SLC25A33: variants seen among roughly 807,000 people sequenced by gnomAD.
SLC25A33 encodes bone marrow stromal cell mitochondrial carrier protein.
Under a neutral mutation model 35.5 loss-of-function variants are expected in SLC25A33, and 15 were observed. The observed-to-expected ratio is 0.42, with a 90% CI of 0.28 to 0.65. The LOEUF is 0.65. Ranked by LOEUF, SLC25A33 falls within the 30% of genes least tolerant of loss-of-function variation. The pLI is 0.20. For synonymous variants in SLC25A33, 136 were observed against 148.7 expected (o/e 0.91, Z 0.62); for missense variants, 257 against 398.5 (o/e 0.64, Z 3.02).
intron 1 of SLC25A33, among the ~76,000 whole-genome samples, chr1:9,549,637 T>C (rs1004025242): frequency 3.3e-5 from 5 of 151,230 alleles, no homozygotes; most frequent in Admixed American, 2.0e-4. Context: ...TTTTTTTTTT[T>C]TGATACAGAG....
intron 5 of SLC25A33, 67 bp from the exon 6 acceptor site, chr1:9,579,887 C>T: frequency 6.5e-7 from 1 of 1,529,824 alleles, no homozygotes; most frequent in Non-Finnish European, 8.8e-7. Flanking sequence ...TGTTCTCCTA[C>T]TGTGTGATGT....
rs1405795343 is a variant in SLC25A33, at chr1:9,584,225, C to G, written c.*1724C>G. 6.6e-6 allele frequency: 1 copy of G among 152,112 alleles called. No individual in the cohort carries two copies. The allele number at this position is 152,112 out of a possible 1,614,324, so 9.4% of individuals were successfully genotyped here. Reference sequence around the variant, plus strand: ...TAGTTTCAGGTTTACTTGCAGACACCCTGGTAGGGTTAAGAGGAGGATATT... The same window carrying G: ...TAGTTTCAGGTTTACTTGCAGACACGCTGGTAGGGTTAAGAGGAGGATATT... On this transcript the variant is annotated 3_prime_UTR_variant, in exon 7 of 7. Transcript: ENST00000302692.
rs745917153 is a variant in SLC25A33, at chr1:9,573,329, GTT to G, written c.416-6_416-5del. 1.0e-4 allele frequency: 127 copies of G among 1,227,418 alleles called. No homozygotes were observed. The highest frequency in any genetic ancestry group is 5.1e-4 in the African/African-American group (33 of 65,168). The allele number at this position is 1,227,418 out of a possible 1,614,324, so 76.0% of individuals were successfully genotyped here. On this transcript the variant is annotated splice_polypyrimidine_tract_variant and intron_variant, in intron 4 of 6. Coordinates refer to ENST00000302692, the MANE Select transcript of SLC25A33 (RefSeq NM_032315.3). ...ACTATGTACAGTGTTGACCTTTACT[GTT>G]TTTTTTTTTTCCAGCTTTTATCACA...
intron 5 of SLC25A33, among the ~76,000 whole-genome samples, chr1:9,575,212 CAAAAA>C (rs909942057): frequency 1.7e-5 from 1 of 58,720 alleles, no homozygotes; most frequent in Admixed American, 1.8e-4. Flanking sequence ...GACTCTGGCT[CAAAAA>C]AAAAAAAAAA....
rs528313210 is a variant in SLC25A33 at position 9,549,419 on chromosome 1, G to C, written c.57-4207G>C. On this transcript the variant is annotated intron_variant, in intron 1 of 6. Transcript: ENST00000302692. ...GATGAACTGATGGTGGGATCAATGGGGGGGGATGAACTGATGGTGGGATCA... is the reference window on the plus strand; with the variant it reads ...GATGAACTGATGGTGGGATCAATGGCGGGGGATGAACTGATGGTGGGATCA... Among the ~76,000 whole-genome samples the C allele has an allele frequency of 2.0e-4, 22 of 112,686 alleles. No individual in the cohort carries two copies. In the East Asian group the frequency reaches 6.3e-3, roughly 32 times the overall value. 73.9% of individuals were successfully genotyped at this position (112,686 alleles called of 152,430 possible).
intron 5 of SLC25A33, among the ~76,000 whole-genome samples, chr1:9,579,700 A>G (rs1643711159): frequency 6.6e-6 from 1 of 152,142 alleles, no homozygotes; most frequent in African/African-American, 2.4e-5. Context: ...ACTCTCATGG[A>G]GTAAGACCAA....
chr1:9,570,390 T>C, intron 4 of SLC25A33, 32 bp downstream of exon 4: 1 of 1,536,028 alleles, frequency 6.5e-7, no homozygotes, highest in Non-Finnish European at 9.0e-7. Context: ...AGAGAGGGTC[T>C]CTCTCTCACT....
chr1:9,576,922 C>A, intron 5 of SLC25A33: 1 of 1,301,440 alleles, frequency 7.7e-7, no homozygotes, highest in South Asian at 1.2e-5. Flanking sequence ...TTAAGGATAT[C>A]AGGAAGTTTG....
intron 5 of SLC25A33, 70 bp from the exon 6 acceptor site, chr1:9,579,884 C>T: frequency 6.6e-7 from 1 of 1,522,102 alleles, no homozygotes; most frequent in Non-Finnish European, 8.9e-7. Flanking sequence ...ACCTGTTCTC[C>T]TACTGTGTGA....
At chr1:9,560,427 G>A (rs1643405713) in intron 2 of SLC25A33, among the ~76,000 whole-genome samples, 1 of 151,866 alleles carries the variant, frequency 6.6e-6, no homozygotes, top group Admixed American at 6.6e-5. Flanking sequence ...AGCCAGGTGT[G>A]GCGGTGGGCG....
chr1:9,549,595 A>T (rs971824274), intron 1 of SLC25A33, among the ~76,000 whole-genome samples: 1 of 147,920 alleles, frequency 6.8e-6, no homozygotes, highest in East Asian at 2.0e-4. Context: ...AAAAACATTC[A>T]CCAAGGCCTC....
At chr1:9,555,578 G>A (rs1643331565) in intron 2 of SLC25A33, among the ~76,000 whole-genome samples, 1 of 152,164 alleles carries the variant, frequency 6.6e-6, no homozygotes, top group Non-Finnish European at 1.5e-5. Flanking sequence ...GAGCGAAACT[G>A]AACAGCAAGA....
chr1:9,582,542 ACT>A lies in SLC25A33; in HGVS notation c.*44_*45del, dbSNP rs1001304129. On this transcript the variant is annotated 3_prime_UTR_variant, in exon 7 of 7. Transcript: ENST00000302692. This position sits in a 1 kb window ranked among gnomAD's most constrained non-coding sequence, Gnocchi z 4.0. ...TGCTCTAGAAGAATAAAACTGAAAA[ACT>A]CTAGAGAATTTTTTTTCCCCATTGA... The A allele has an allele frequency of 6.5e-7, 1 of 1,542,124 alleles. No individual in the cohort carries two copies. Among genetic ancestry groups the A allele is most frequent in the African/African-American group, 1.4e-5 (1 of 72,202 alleles).
At chr1:9,562,834 CAA>C (rs1427272506) in intron 2 of SLC25A33, among the ~76,000 whole-genome samples, 2 of 106,184 alleles carry the variant, frequency 1.9e-5, no homozygotes, top group Non-Finnish European at 3.9e-5. Flanking sequence ...GCCTGGGCAA[CAA>C]GAGCAAAAAC....
At chr1:9,542,581 T>C (rs1643101851) in intron 1 of SLC25A33, among the ~76,000 whole-genome samples, 1 of 152,192 alleles carries the variant, frequency 6.6e-6, no homozygotes, top group Non-Finnish European at 1.5e-5. Flanking sequence ...AGGTCCCACC[T>C]AGTCCGGTGG....
chr1:9,567,402 T>C, intron 3 of SLC25A33, 41 bp downstream of exon 3: 4 of 1,567,388 alleles, frequency 2.6e-6, no homozygotes, highest in Non-Finnish European at 3.5e-6. Flanking sequence ...CTAAGCAGTA[T>C]GGAATTCTGG....
rs113357790 is a variant in SLC25A33 at position 9,540,986 on chromosome 1, C to CT, written c.56+1250dup. On this transcript the variant is annotated intron_variant, in intron 1 of 6. Transcript: ENST00000302692. ...CCCTCCATGTCTCCATTGAGACTTCCTTTTTTTTTTTGAGAGGGAGTCTTC... is the reference window on the plus strand; with the variant it reads ...CCCTCCATGTCTCCATTGAGACTTCCTTTTTTTTTTTTGAGAGGGAGTCTTC... Among the ~76,000 whole-genome samples, 862 of 146,074 alleles carry CT rather than the reference C, an allele frequency of 5.9e-3. 5 individuals are homozygous for CT. The highest frequency in any genetic ancestry group is 0.046 in the South Asian group (212 of 4,604).
intron 2 of SLC25A33, among the ~76,000 whole-genome samples, chr1:9,564,820 A>G (rs1643480363): frequency 1.3e-5 from 2 of 149,758 alleles, no homozygotes; most frequent in African/African-American, 4.9e-5. Context: ...GCTACTGGGA[A>G]GGCTGAAGCA....
chr1:9,576,718 A>G, intron 5 of SLC25A33: 1 of 761,676 alleles, frequency 1.3e-6, no homozygotes, highest in South Asian at 1.3e-5. Flanking sequence ...CCCCACCGAC[A>G]TTGTTATCCA....
Sources: allele counts gnomAD v4.1 joint callset (sites outside exome capture counted in the v4.1 genomes callset), GRCh38; gene constraint gnomAD v4.1.1; non-coding constraint Gnocchi (gnomAD v3.1); transcripts MANE v1.5; gene names NCBI Gene and HGNC (gene_info 2026-07-23, HGNC 2026-07-21).